Variants in AASDHPPT observed in about 807,000 individuals in gnomAD.
AASDHPPT encodes aminoadipate-semialdehyde dehydrogenase-phosphopantetheinyl transferase.
Under a neutral mutation model 36.4 loss-of-function variants are expected in AASDHPPT, and 23 were observed. The ratio of observed to expected loss-of-function variants is 0.63; its 90% CI spans 0.45 to 0.89. The LOEUF (loss-of-function observed/expected upper bound fraction) is 0.89, where lower values mean the gene tolerates loss of function less well. AASDHPPT is among the 40% of genes least tolerant of loss of function. The pLI, the probability that AASDHPPT is intolerant of heterozygous loss-of-function variation, is 0.00. For missense variants in AASDHPPT, 377 were observed against 378.2 expected, an observed-to-expected ratio of 1.00 and a Z score of 0.03; for synonymous variants, 115 against 128.0, an observed-to-expected ratio of 0.90 and a Z score of 0.68.
intron 2 of AASDHPPT, chr11:106,089,557 G>T (rs1161901333): frequency 2.6e-5 from 4 of 151,970 alleles, no homozygotes; most frequent in Non-Finnish European, 4.4e-5. Context: ...GGCCCATTAG[G>T]CTGTAAGTAT....
intron 2 of AASDHPPT, among the ~76,000 whole-genome samples, chr11:106,082,189 G>A (rs866216969): frequency 1.3e-5 from 2 of 152,004 alleles, no homozygotes; most frequent in African/African-American, 2.4e-5. Context: ...TGAAAAAGCT[G>A]TTGCTATGTC....
intron 1 of AASDHPPT, 82 bp from the exon 2 acceptor site, chr11:106,079,385 C>T: frequency 7.3e-6 from 9 of 1,234,332 alleles, no homozygotes; most frequent in South Asian, 3.5e-5. Flanking sequence ...TTTTAGAAAC[C>T]AAAAAAAAGT....
Position 106,096,858 on chromosome 11 carries a change from G to A in AASDHPPT, c.881G>A (p.Cys294Tyr). ...CCTGAAGATCCTTCATTTTGGGACT[G>A]TTTTTGCTTCACAGAAGAAATTCCA... is the stretch of plus-strand genomic sequence containing the variant. ...MTPEDPSFWD[C>Y]FCFTEEIPIR... is the part of the protein sequence containing the mutation. The change falls in exon 6 of 6, where the codon TGT (cysteine) becomes TAT (tyrosine). Residue 294 changes from cysteine to tyrosine, a missense_variant. Cys to Tyr is a radical substitution (Grantham distance 194). Coordinates refer to ENST00000278618, the MANE Select transcript of AASDHPPT (RefSeq NM_015423.3). 1 of 1,610,986 alleles carries A rather than the reference G, an allele frequency of 6.2e-7. No homozygotes were observed. Among genetic ancestry groups the A allele is most frequent in the Non-Finnish European group, 8.5e-7 (1 of 1,178,858 alleles).
intron 2 of AASDHPPT, chr11:106,089,604 T>G (rs1861233751): frequency 6.6e-6 from 1 of 152,040 alleles, no homozygotes; most frequent in Admixed American, 6.6e-5. Context: ...CTTTTAATAT[T>G]AGTTGAATAT....
Position 106,077,721 on chromosome 11 carries a change from C to G in AASDHPPT, c.11C>G (p.Pro4Arg), listed in dbSNP as rs1414782237. MVF[P>R]AKRFCLVPSM... The stretch of plus-strand genomic sequence containing the variant: ...GTCCGCTTTCAGTGTATGGTTTTCC[C>G]TGCCAAACGGTTCTGCTTGGTGCCA... The change falls in exon 1 of 6, where the codon CCT becomes CGT. Residue 4 changes from proline to arginine, a missense_variant. Coordinates refer to ENST00000278618, the MANE Select transcript of AASDHPPT (RefSeq NM_015423.3). 3.1e-6 allele frequency: 5 copies of G among 1,613,776 alleles called. No individual in the cohort carries two copies. Among genetic ancestry groups the G allele is most frequent in the Non-Finnish European group, 4.2e-6 (5 of 1,179,738 alleles).
At chr11:106,092,125 CTTGCATGTAACATACTG>C (rs1264850373) in intron 4 of AASDHPPT, 1 of 152,140 alleles carries the variant, frequency 6.6e-6, no homozygotes, top group African/African-American at 2.4e-5. Context: ...AAACATGGCT[CTTGCATGTAACATACTG>C]TTGCATGTAA....
chr11:106,082,381 G>A (rs1218888073), intron 2 of AASDHPPT, among the ~76,000 whole-genome samples: 8 of 152,202 alleles, frequency 5.3e-5, no homozygotes, highest in African/African-American at 1.9e-4. Flanking sequence ...AGGAGATTGA[G>A]CAAGGGATTT....
At chr11:106,080,074 A>T (rs1861119437) in intron 2 of AASDHPPT, among the ~76,000 whole-genome samples, 3 of 152,298 alleles carry the variant, frequency 2.0e-5, no homozygotes, top group Non-Finnish European at 4.4e-5. Flanking sequence ...TTATGTAGAG[A>T]TAACGTATAC....
intron 2 of AASDHPPT, among the ~76,000 whole-genome samples, chr11:106,082,417 C>G (rs75988372): frequency 0.093 from 14,131 of 152,118 alleles, 682 homozygotes; most frequent in Middle Eastern, 0.17. Context: ...CTAAATGATG[C>G]TAGGCAAAAC....
In AASDHPPT at chr11:106,091,385, G is replaced by C; in HGVS notation, c.601G>C (p.Asp201His). ...ATTTGAATTGCAGCGGCTTGAATTT[G>C]ATCTATCTCCATTAAACTTGGATAT... ...LGFELQRLEF[D>H]LSPLNLDIGQ... The change falls in exon 4 of 6, where the codon GAT becomes CAT. Residue 201 changes from aspartate (D) to histidine (H), a missense_variant. Asp to His is a moderately conservative substitution (Grantham distance 81, BLOSUM62 -1). Coordinates refer to ENST00000278618, the MANE Select transcript of AASDHPPT (RefSeq NM_015423.3). The C allele has an allele frequency of 1.1e-5, 18 of 1,608,628 alleles. No homozygotes were observed. Among genetic ancestry groups the C allele is most frequent in the Non-Finnish European group, 1.5e-5 (18 of 1,177,700 alleles).
In AASDHPPT at chr11:106,094,491, G is replaced by T. The variant is rs113357961; in HGVS notation, c.694-92G>T. ...GTACGTATATGTATATATATATAGA[G>T]AGAGAGAGAATGAGATTTAGAAAAT... On this transcript the variant is annotated intron_variant, in intron 4 of 5. Transcript: ENST00000278618. The T allele has an allele frequency of 8.5e-3, 7,453 of 874,246 alleles. 95 individuals are homozygous for T. Among genetic ancestry groups the T allele is most frequent in the African/African-American group, 0.042 (2,427 of 58,284 alleles). 54.2% of individuals were successfully genotyped at this position (874,246 alleles called of 1,614,324 possible). A position where few individuals can be genotyped will look rare whatever the true frequency, so the allele number is the denominator to read the frequency against.
rs1160907962 is a variant in AASDHPPT, at chr11:106,097,398, A to C, written c.*491A>C. On this transcript the variant is annotated 3_prime_UTR_variant, in exon 6 of 6. Coordinates refer to ENST00000278618, the MANE Select transcript of AASDHPPT (RefSeq NM_015423.3). ...TGTAACATAACTTTTTGTGGTTCTA[A>C]TGTACTCTGTTGTATAGCTAATACA... The C allele has an allele frequency of 1.3e-5, 2 of 156,334 alleles. No homozygotes were observed. Among genetic ancestry groups the C allele is most frequent in the African/African-American group, 2.4e-5 (1 of 41,454 alleles). The allele number at this position is 156,334 out of a possible 1,614,324, so 9.7% of individuals were successfully genotyped here.
At chr11:106,094,381 A>T (rs185893470) in intron 4 of AASDHPPT, 1 of 391,710 alleles carries the variant, frequency 2.6e-6, no homozygotes, top group Non-Finnish European at 4.5e-6. Flanking sequence ...ATGTTGAAGT[A>T]TTTAAGAGTA....
chr11:106,095,930 G>A (rs1041412132), intron 5 of AASDHPPT: 17 of 152,246 alleles, frequency 1.1e-4, no homozygotes, highest in Admixed American at 1.0e-3. Context: ...CATTTCCCTG[G>A]ACAGAGCCTG....
At chr11:106,086,191 G>A (rs1167810484) in intron 2 of AASDHPPT, 2 of 152,286 alleles carry the variant, frequency 1.3e-5, no homozygotes, top group Non-Finnish European at 2.9e-5. Context: ...GTTCTGGAAG[G>A]CTGGAAGTTA....
chr11:106,094,445 T>C (rs551758071), intron 4 of AASDHPPT, 138 bp from the exon 5 acceptor site: 3 of 540,430 alleles, frequency 5.6e-6, no homozygotes, highest in Admixed American at 4.0e-5. Context: ...TGGGGAAATA[T>C]ATATATGCAC....
At chr11:106,081,490 T>C (rs916426731) in intron 2 of AASDHPPT, among the ~76,000 whole-genome samples, 6 of 152,176 alleles carry the variant, frequency 3.9e-5, no homozygotes, top group Non-Finnish European at 8.8e-5. Flanking sequence ...TCTAAAAAAA[T>C]TGCTGCTATA....
At position 106,091,390 on chromosome 11, in the gene AASDHPPT, A is replaced by C. The variant is rs765718892; in HGVS notation, c.606A>C (p.Leu202=). The change falls in exon 4 of 6, where the codon CTA becomes CTC. Residue 202 remains leucine (L), a synonymous_variant. Transcript: ENST00000278618. ...GFELQRLEFD[L]SPLNLDIGQV... is the part of the protein sequence containing the mutation. ...AATTGCAGCGGCTTGAATTTGATCT[A>C]TCTCCATTAAACTTGGATATAGGCC... The C allele has an allele frequency of 2.5e-6, 4 of 1,610,336 alleles. No homozygotes were observed. Among genetic ancestry groups the C allele is most frequent in the Non-Finnish European group, 3.4e-6 (4 of 1,178,428 alleles).
chr11:106,081,005 ATGAT>A (rs983552305), intron 2 of AASDHPPT, among the ~76,000 whole-genome samples: 79 of 152,298 alleles, frequency 5.2e-4, no homozygotes, highest in African/African-American at 1.8e-3. Flanking sequence ...ATTCATCAGG[ATGAT>A]TGATTATCTT....
Sources: allele counts gnomAD v4.1 joint callset (sites outside exome capture counted in the v4.1 genomes callset), GRCh38; gene constraint gnomAD v4.1.1; transcripts MANE v1.5; gene names NCBI Gene and HGNC (gene_info 2026-07-23, HGNC 2026-07-21).